Variants in PHF21A observed in about 807,000 individuals in gnomAD.
PHF21A encodes BHC80a.
PHF21A carries 11 observed loss-of-function variants against 82.5 expected under a neutral mutation model. The observed-to-expected ratio is 0.13, with a 90% CI of 0.08 to 0.22. PHF21A has a LOEUF of 0.22. PHF21A is among the 10% of genes least tolerant of loss of function. PHF21A has a pLI of 1.00. For missense variants in PHF21A, 579 were observed against 837.8 expected (o/e 0.69, Z 3.81); for synonymous variants, 297 against 302.8 (o/e 0.98, Z 0.20).
rs889181494 is a variant in PHF21A at position 45,934,046 on chromosome 11, G to A, written c.1968C>T (p.Ala656=). The A allele has an allele frequency of 2.3e-5, 37 of 1,613,464 alleles. No individual in the cohort carries two copies. The highest frequency in any genetic ancestry group is 3.3e-5 in the Admixed American group (2 of 59,920). Residue 656 remains alanine (A), a synonymous_variant, in exon 19 of 19, where the codon GCC becomes GCT. Transcript: ENST00000676320. The stretch of plus-strand genomic sequence containing the variant: ...GGGAAGGGGCCGGCGTGGAGGTGGC[G>A]GCATTGGCAGGGGGGGTGCAGTCCG... The part of the protein sequence containing the change: ...NGPDCTPPAN[A]ATSTPAPSPS...
intron 10 of PHF21A, among the ~76,000 whole-genome samples, chr11:45,954,391 G>A (rs1272680301): frequency 1.3e-5 from 2 of 152,024 alleles, no homozygotes; most frequent in Non-Finnish European, 2.9e-5. Context: ...CTCCTATTTC[G>A]GAACAATTCC....
intron 6 of PHF21A, among the ~76,000 whole-genome samples, chr11:46,056,597 AACTCG>A (rs1246874670): frequency 6.6e-6 from 1 of 152,108 alleles, no homozygotes; most frequent in Non-Finnish European, 1.5e-5. Context: ...AAGAAATCTA[AACTCG>A]TTCAAGATAG....
intron 6 of PHF21A, among the ~76,000 whole-genome samples, chr11:46,016,575 C>G (rs2095521807): frequency 6.6e-6 from 1 of 152,124 alleles, no homozygotes; most frequent in African/African-American, 2.4e-5. Flanking sequence ...ATCCCCTACT[C>G]AGGATTAATA....
At position 46,077,488 on chromosome 11, in the gene PHF21A, T is replaced by A. The variant is rs549620490; in HGVS notation, c.88-669A>T. 4.6e-5 allele frequency among the ~76,000 whole-genome samples: 7 copies of A among 152,344 alleles called. No homozygotes were observed. In the East Asian group the frequency reaches 1.2e-3, roughly 25 times the overall value. ...AAATTCCAAAATTAAAGTTTTCAAATGCTTAATGTAGCAGGACAGCCTACT... is the reference window on the plus strand; with the variant it reads ...AAATTCCAAAATTAAAGTTTTCAAAAGCTTAATGTAGCAGGACAGCCTACT... On this transcript the variant is annotated intron_variant, in intron 5 of 18. Transcript: ENST00000676320.
intron 1 of PHF21A, among the ~76,000 whole-genome samples, chr11:46,111,475 CAAATAAAT>C (rs572155929): frequency 2.0e-5 from 3 of 151,652 alleles, no homozygotes; most frequent in Admixed American, 1.3e-4. Flanking sequence ...GACTCCGTCT[CAAATAAAT>C]AAATAAATAA....
At chr11:45,957,751 C>CAAAAAA in intron 10 of PHF21A, among the ~76,000 whole-genome samples, 698 of 60,464 alleles carry the variant, frequency 0.012, no homozygotes, top group East Asian at 0.035. Flanking sequence ...AAATTCAAAG[C>CAAAAAA]AAAAAAAAAA....
intron 6 of PHF21A, among the ~76,000 whole-genome samples, chr11:46,023,515 C>A: frequency 6.6e-6 from 1 of 152,206 alleles, no homozygotes; most frequent in East Asian, 1.9e-4. Context: ...TAAACTGTGT[C>A]ATATGGAATA....
At chr11:46,013,690 A>G (rs1420253660) in intron 6 of PHF21A, among the ~76,000 whole-genome samples, 1 of 152,228 alleles carries the variant, frequency 6.6e-6, no homozygotes, top group Non-Finnish European at 1.5e-5. Flanking sequence ...ACAGCCTACT[A>G]CACACCTAGG....
rs2134833867 is a variant in PHF21A at position 45,930,418 on chromosome 11, AG to A, written c.*3549del. The A allele has an allele frequency of 6.6e-6, 1 of 152,480 alleles. No individual in the cohort carries two copies. Among genetic ancestry groups the A allele is most frequent in the Admixed American group, 6.5e-5 (1 of 15,304 alleles). 9.4% of individuals were successfully genotyped at this position (152,480 alleles called of 1,614,324 possible). On this transcript the variant is annotated 3_prime_UTR_variant, in exon 19 of 19. Transcript: ENST00000676320. The stretch of plus-strand genomic sequence containing the variant: ...TGGAGGCTGCCAGGGCGGCCCCACC[AG>A]GGACTGCCCCTAACTGCCTCCCTAT...
chr11:45,975,453 T>A (rs1400364592), intron 7 of PHF21A, among the ~76,000 whole-genome samples: 1 of 152,102 alleles, frequency 6.6e-6, no homozygotes, highest in Non-Finnish European at 1.5e-5. Context: ...TACTATGGGA[T>A]CTAACTTCCA....
chr11:46,019,463 T>C (rs558245647), intron 6 of PHF21A, among the ~76,000 whole-genome samples: 1 of 152,296 alleles, frequency 6.6e-6, no homozygotes, highest in South Asian at 2.1e-4. Flanking sequence ...AGCCCTAAGA[T>C]GTGGCCAATC....
intron 6 of PHF21A, among the ~76,000 whole-genome samples, chr11:45,995,200 G>A (rs549436117): frequency 4.6e-5 from 7 of 152,294 alleles, no homozygotes; most frequent in African/African-American, 1.7e-4. Flanking sequence ...GTTGTCTGAT[G>A]GGATACAGTG....
At chr11:45,962,064 G>A (rs907942844) in intron 10 of PHF21A, among the ~76,000 whole-genome samples, 1 of 152,168 alleles carries the variant, frequency 6.6e-6, no homozygotes, top group Non-Finnish European at 1.5e-5. Flanking sequence ...AATGTGGGAG[G>A]CCATGCTTCC....
chr11:45,971,383 A>G lies in PHF21A; in HGVS notation c.361-16T>C. The G allele has an allele frequency of 6.2e-7, 1 of 1,608,214 alleles. No homozygotes were observed. The highest frequency in any genetic ancestry group is 1.1e-5 in the South Asian group (1 of 90,648). On this transcript the variant is annotated splice_polypyrimidine_tract_variant and intron_variant, in intron 7 of 18. Coordinates refer to ENST00000676320, the MANE Select transcript of PHF21A (RefSeq NM_001352027.3). Reference sequence around the variant, plus strand: ...TTACAGTCTTCTAGGAGACAGGGAAAACAGATATTAGGACACTAAATCTAA... The same window carrying G: ...TTACAGTCTTCTAGGAGACAGGGAAGACAGATATTAGGACACTAAATCTAA...
intron 10 of PHF21A, among the ~76,000 whole-genome samples, chr11:45,957,162 A>T (rs1252268311): frequency 1.3e-5 from 2 of 152,216 alleles, no homozygotes; most frequent in Non-Finnish European, 2.9e-5. Context: ...GATTGAGGAC[A>T]GAAATAAACA....
intron 6 of PHF21A, among the ~76,000 whole-genome samples, chr11:45,985,124 G>T (rs1051506998): frequency 6.6e-6 from 1 of 152,142 alleles, no homozygotes; most frequent in African/African-American, 2.4e-5. Flanking sequence ...CTAACCTGGA[G>T]AAATGTTTAT....
chr11:45,983,146 G>C (rs888006176), intron 6 of PHF21A, among the ~76,000 whole-genome samples: 9 of 152,232 alleles, frequency 5.9e-5, no homozygotes, highest in East Asian at 3.9e-4. Flanking sequence ...CGACCAATCA[G>C]AACCAGAATC....
At chr11:45,973,591 C>T (rs916221449) in intron 7 of PHF21A, among the ~76,000 whole-genome samples, 19 of 152,114 alleles carry the variant, frequency 1.2e-4, no homozygotes, top group African/African-American at 1.2e-4. Context: ...CACCTATCTT[C>T]GATCAGTGAT....
intron 11 of PHF21A, 36 bp downstream of exon 11, chr11:45,953,491 A>G (rs377702246): frequency 2.1e-4 from 274 of 1,325,010 alleles, no homozygotes; most frequent in Middle Eastern, 5.4e-4. Flanking sequence ...ACCATACACC[A>G]TAGACTGAGA....
Sources: gnomAD v4.1 joint callset for allele counts (sites outside exome capture counted in the v4.1 genomes callset) on GRCh38, gnomAD v4.1.1 for gene constraint, MANE v1.5 for transcripts, NCBI Gene and HGNC (gene_info 2026-07-23, HGNC 2026-07-21) for gene names.